SRGAP2: variants seen among roughly 807,000 people sequenced by gnomAD.
SRGAP2 encodes SLIT-ROBO Rho GTPase-activating protein 2.
Under a neutral mutation model 57.2 loss-of-function variants are expected in SRGAP2, and 15 were observed. The observed-to-expected ratio is 0.26, with a 90% CI of 0.18 to 0.40. The LOEUF is 0.40. Ranked by LOEUF, SRGAP2 falls within the 10% of genes least tolerant of loss-of-function variation. The probability of loss-of-function intolerance (pLI) is 1.00; values close to 1 mark genes in which losing one functional copy is unlikely to be tolerated. For missense variants in SRGAP2, 520 were observed against 669.6 expected (o/e 0.78, Z 2.47); for synonymous variants, 249 against 248.0 (o/e 1.00, Z -0.04).
intron 7 of SRGAP2, 107 bp from the exon 8 acceptor site, chr1:206,401,314 C>T (rs1658135584): frequency 1.1e-5 from 8 of 715,394 alleles, no homozygotes; most frequent in Non-Finnish European, 2.1e-5. Context: ...TTCTACTGCA[C>T]AGCCAAGCCT....
intron 2 of SRGAP2, among the ~76,000 whole-genome samples, chr1:206,249,391 A>G (rs1413699394): frequency 5.3e-5 from 8 of 152,202 alleles, no homozygotes; most frequent in African/African-American, 1.4e-4. Flanking sequence ...GCAGGTAAAC[A>G]CCATGGAATA....
chr1:206,277,791 G>A (rs1394482272), intron 2 of SRGAP2, among the ~76,000 whole-genome samples: 4 of 152,248 alleles, frequency 2.6e-5, no homozygotes, highest in Non-Finnish European at 5.9e-5. Flanking sequence ...ACAACTTGGT[G>A]AAAAATACTA....
chr1:206,454,023 T>C lies in SRGAP2; in HGVS notation c.2360+643T>C, dbSNP rs782619487. ...TGATTCTCACACTTTGAAGCAGTTG[T>C]CCCGTGGGCCCACCCAAGCCTGCCC... On this transcript the variant is annotated intron_variant, in intron 20 of 22. Coordinates refer to ENST00000573034, the MANE Select transcript of SRGAP2 (RefSeq NM_015326.5). The surrounding 1 kb of genome is among the most constrained non-coding windows in gnomAD (Gnocchi z 4.3). 7.4e-6 allele frequency: 5 copies of C among 672,600 alleles called. No individual in the cohort carries two copies. Among genetic ancestry groups the C allele is most frequent in the Non-Finnish European group, 1.4e-5 (5 of 369,294 alleles). 41.7% of individuals were successfully genotyped at this position (672,600 alleles called of 1,614,324 possible).
chr1:206,296,666 T>C (rs1671614936), intron 2 of SRGAP2, among the ~76,000 whole-genome samples: 1 of 152,190 alleles, frequency 6.6e-6, no homozygotes, highest in Non-Finnish European at 1.5e-5. Context: ...TCCTGAGCTC[T>C]AGTAATCGGC....
intron 10 of SRGAP2, among the ~76,000 whole-genome samples, chr1:206,415,592 T>C (rs1164017933): frequency 3.3e-5 from 5 of 152,162 alleles, no homozygotes; most frequent in Non-Finnish European, 7.4e-5. Flanking sequence ...AATAAGTTCA[T>C]CTACCCTCCC....
chr1:206,453,966 C>G, intron 20 of SRGAP2: 1 of 609,202 alleles, frequency 1.6e-6, no homozygotes, highest in Non-Finnish European at 2.9e-6. Context: ...CTGAACTGGT[C>G]CCAGAGAGAT....
chr1:206,358,054 G>T (rs1553339791), intron 4 of SRGAP2, among the ~76,000 whole-genome samples: 1 of 150,822 alleles, frequency 6.6e-6, no homozygotes, highest in Non-Finnish European at 1.5e-5. Flanking sequence ...AGGAGAGAGG[G>T]TTTTTCCCCC....
chr1:206,371,379 T>C (rs1307824830), intron 4 of SRGAP2, among the ~76,000 whole-genome samples: 1 of 151,748 alleles, frequency 6.6e-6, no homozygotes, highest in African/African-American at 2.4e-5. Context: ...AGGAAAATGA[T>C]CCCAAATAGA....
chr1:206,450,505 G>A (rs782355976), intron 19 of SRGAP2, 40 bp downstream of exon 19: 17 of 778,428 alleles, frequency 2.2e-5, no homozygotes, highest in South Asian at 2.7e-5. Context: ...GACGCCAGGG[G>A]TGAGGCAGAA....
intron 2 of SRGAP2, among the ~76,000 whole-genome samples, chr1:206,214,032 G>A (rs1666483958): frequency 6.8e-6 from 1 of 146,810 alleles, no homozygotes; most frequent in Admixed American, 6.7e-5. Flanking sequence ...AGGGGCTAGA[G>A]GCTCCCACTG....
In SRGAP2 at chr1:206,326,699, C is replaced by T. The variant is rs370994807; in HGVS notation, c.261-16147C>T. Among the ~76,000 whole-genome samples, 7 of 152,308 alleles carry T rather than the reference C, an allele frequency of 4.6e-5. No individual in the cohort carries two copies. The East Asian group carries it at 9.6e-4, about 21-fold the overall frequency. ...GACAGGCTTGGTCTAGACTCTAGAC[C>T]ATCTTGAAAGTCCCTTCTAGCTCTG... On this transcript the variant is annotated intron_variant, in intron 3 of 22. Transcript: ENST00000573034.
intron 3 of SRGAP2, among the ~76,000 whole-genome samples, chr1:206,304,628 G>A (rs1672081402): frequency 6.6e-6 from 1 of 151,648 alleles, no homozygotes; most frequent in African/African-American, 2.4e-5. Context: ...TTGGTCTACA[G>A]TTTCTCTCCA....
At chr1:206,451,466 G>A (rs782179327) in intron 19 of SRGAP2, among the ~76,000 whole-genome samples, 14 of 152,082 alleles carry the variant, frequency 9.2e-5, no homozygotes, top group Non-Finnish European at 1.6e-4. Context: ...AGCTGACAAG[G>A]GGCCTCAGAA....
At chr1:206,442,978 C>G (rs1662445627) in intron 17 of SRGAP2, among the ~76,000 whole-genome samples, 1 of 152,084 alleles carries the variant, frequency 6.6e-6, no homozygotes, top group Non-Finnish European at 1.5e-5. Context: ...TCTCAAGGAA[C>G]CAAAAAAGCT....
chr1:206,240,303 G>T (rs1344475046), intron 2 of SRGAP2, among the ~76,000 whole-genome samples: 1 of 151,264 alleles, frequency 6.6e-6, no homozygotes, highest in African/African-American at 2.4e-5. Flanking sequence ...ACTGGTCTTG[G>T]CAGTCTTTGG....
At chr1:206,451,759 A>G (rs1384756186) in intron 19 of SRGAP2, among the ~76,000 whole-genome samples, 7 of 152,178 alleles carry the variant, frequency 4.6e-5, no homozygotes, top group African/African-American at 1.7e-4. Context: ...TGAAAAAGAT[A>G]TGGCCGCTAT....
rs1239574779 is a variant in SRGAP2 at position 206,307,753 on chromosome 1, G to A, written c.260+4280G>A. ...GGCTGGCCGGCTGCTCCGAGTGCGGGGCCCACCAAGCCCACGCCCACCCGG... is the reference window on the plus strand; with the variant it reads ...GGCTGGCCGGCTGCTCCGAGTGCGGAGCCCACCAAGCCCACGCCCACCCGG... On this transcript the variant is annotated intron_variant, in intron 3 of 22. Coordinates refer to ENST00000573034, the MANE Select transcript of SRGAP2 (RefSeq NM_015326.5). 8.2e-3 allele frequency among the ~76,000 whole-genome samples: 1,254 copies of A among 152,260 alleles called. 10 individuals carry two copies. Among genetic ancestry groups the A allele is most frequent in the Middle Eastern group, 0.017 (5 of 294 alleles).
At chr1:206,354,473 T>G (rs1676282603) in intron 4 of SRGAP2, among the ~76,000 whole-genome samples, 1 of 152,236 alleles carries the variant, frequency 6.6e-6, no homozygotes, top group African/African-American at 2.4e-5. Flanking sequence ...GAATGCCAAA[T>G]TCTATCTTCC....
At chr1:206,460,828 G>GA (rs34842494) in intron 22 of SRGAP2, among the ~76,000 whole-genome samples, 3 of 151,396 alleles carry the variant, frequency 2.0e-5, no homozygotes, top group Non-Finnish European at 4.4e-5. Context: ...TTTTCTAAAG[G>GA]AAAAAAAAAA....
Sources: gnomAD v4.1 joint callset for allele counts (sites outside exome capture counted in the v4.1 genomes callset) on GRCh38, gnomAD v4.1.1 for gene constraint, Gnocchi (gnomAD v3.1) non-coding constraint, MANE v1.5 for transcripts, NCBI Gene and HGNC (gene_info 2026-07-23, HGNC 2026-07-21) for gene names.